CCT2: variants seen among roughly 807,000 people sequenced by gnomAD.
CCT2 encodes T-complex protein 1 subunit beta.
Under a neutral mutation model 61.8 loss-of-function variants are expected in CCT2, and 18 were observed. That is an observed-to-expected ratio of 0.29 (90% CI 0.20 to 0.43). CCT2 has a LOEUF of 0.43. Ranked by LOEUF, CCT2 falls within the 20% of genes least tolerant of loss-of-function variation. The pLI is 1.00. For missense variants in CCT2, 556 were observed against 656.9 expected (o/e 0.85, Z 1.68); for synonymous variants, 248 against 215.9 (o/e 1.15, Z -1.30).
In CCT2 at chr12:69,597,256, C is replaced by T; in HGVS notation, c.1083C>T (p.His361=). 1.2e-6 allele frequency: 2 copies of T among 1,613,948 alleles called. No individual in the cohort carries two copies. The highest frequency in any genetic ancestry group is 1.7e-6 in the Non-Finnish European group (2 of 1,179,886). The change falls in exon 11 of 16, where the codon CAC becomes CAT. Residue 361 remains histidine (H), a synonymous_variant. Coordinates refer to ENST00000299300, the MANE Select transcript of CCT2 (RefSeq NM_006431.3). ...EVMIGEDKLI[H]FSGVALGEAC... is the part of the protein sequence containing the mutation. ...TGATTGGAGAAGACAAACTCATTCACTTTTCTGGGGTTGCCCTTGGTGAGT... is the reference window on the plus strand; with the variant it reads ...TGATTGGAGAAGACAAACTCATTCATTTTTCTGGGGTTGCCCTTGGTGAGT...
intron 1 of CCT2, 196 bp from the exon 2 acceptor site, chr12:69,586,074 G>A (rs1320047414): frequency 1.0e-5 from 14 of 1,338,802 alleles, no homozygotes; most frequent in African/African-American, 1.5e-5. Context: ...AATCCGAAAA[G>A]CCATGTCGCT....
Position 69,588,140 on chromosome 12 carries a change from T to C in CCT2, c.334-10T>C. On this transcript the variant is annotated splice_polypyrimidine_tract_variant and intron_variant, in intron 5 of 15. Transcript: ENST00000299300. ...TATTTATAACTTTTGTTTTATAACT[T>C]TATTAATAGGAAGCAGAATCTTTAA... 1 of 1,607,190 alleles carries C rather than the reference T, an allele frequency of 6.2e-7. No homozygotes were observed. The highest frequency in any genetic ancestry group is 8.5e-7 in the Non-Finnish European group (1 of 1,174,462).
At chr12:69,591,924 C>T (rs1164824008) in intron 7 of CCT2, 135 bp from the exon 8 acceptor site, 4 of 541,912 alleles carry the variant, frequency 7.4e-6, no homozygotes, top group Non-Finnish European at 1.3e-5. Context: ...GCTTTTATGC[C>T]TTCTAAGAGC....
chr12:69,595,612 C>T (rs996023806), intron 10 of CCT2, among the ~76,000 whole-genome samples: 3 of 140,660 alleles, frequency 2.1e-5, no homozygotes, highest in East Asian at 2.2e-4. Context: ...CACTTGAACC[C>T]GGGAGGTGGA....
chr12:69,588,448 C>G, intron 6 of CCT2, 186 bp downstream of exon 6: 1 of 554,364 alleles, frequency 1.8e-6, no homozygotes, highest in Admixed American at 3.3e-5. Flanking sequence ...GGTTTTTAGT[C>G]TTTTTGTATA....
chr12:69,601,256 C>T, intron 15 of CCT2, 39 bp from the exon 16 acceptor site: 2 of 1,531,466 alleles, frequency 1.3e-6, no homozygotes, highest in Admixed American at 1.9e-5. Flanking sequence ...AAATCATGCT[C>T]TTCATTTTTC....
At chr12:69,597,607 C>G in intron 11 of CCT2, 31 bp from the exon 12 acceptor site, 1 of 1,605,438 alleles carries the variant, frequency 6.2e-7, no homozygotes, top group Non-Finnish European at 8.5e-7. Flanking sequence ...ACTTTTTATC[C>G]CTAAGTGGTC....
chr12:69,589,535 CATT>C lies in CCT2; in HGVS notation c.500_502del (p.Leu167del). 6.2e-7 allele frequency: 1 copy of C among 1,614,058 alleles called. No homozygotes were observed. The highest frequency in any genetic ancestry group is 8.5e-7 in the Non-Finnish European group (1 of 1,179,948). ...GATTTAATGAATATTGCGGGCACAA[CATT>C]ATCCTCAAAACTTCTTACTCATCAC... On this transcript the variant is annotated inframe_deletion, in exon 7 of 16. Transcript: ENST00000299300.
At chr12:69,592,508 G>A in intron 8 of CCT2, 1 of 177,042 alleles carries the variant, frequency 5.6e-6, no homozygotes, top group Non-Finnish European at 1.2e-5. Context: ...AAAAAAAATT[G>A]CTGGATTCTA....
intron 1 of CCT2, 137 bp from the exon 2 acceptor site, chr12:69,586,133 A>T: frequency 8.9e-7 from 1 of 1,128,472 alleles, no homozygotes; most frequent in South Asian, 1.5e-5. Flanking sequence ...CGATGATGGA[A>T]GCTTCATTTG....
intron 10 of CCT2, among the ~76,000 whole-genome samples, chr12:69,594,086 C>T (rs2135855881): frequency 6.6e-6 from 1 of 151,452 alleles, no homozygotes; most frequent in East Asian, 1.9e-4. Context: ...TTGCAGTCAG[C>T]GGAGATCGTG....
intron 3 of CCT2, 72 bp from the exon 4 acceptor site, chr12:69,587,433 G>C: frequency 1.2e-6 from 1 of 857,210 alleles, no homozygotes; most frequent in Non-Finnish European, 2.0e-6. Context: ...CACTGTGTGA[G>C]AATACTGATT....
chr12:69,587,755 C>T (rs947614800), intron 4 of CCT2, 139 bp downstream of exon 4: 2 of 740,352 alleles, frequency 2.7e-6, no homozygotes, highest in Non-Finnish European at 4.5e-6. Flanking sequence ...TGTTAAAATA[C>T]AAGCTTCAGG....
At position 69,585,596 on chromosome 12, in the gene CCT2, G is replaced by T. The variant is rs1034068530; in HGVS notation, c.3+72G>T. Reference sequence around the variant, plus strand: ...CTCTTGCCACCCCACTGCTTCCTCTGTCCTGCTAGGGTCGTAGGCTCCGTT... The same window carrying T: ...CTCTTGCCACCCCACTGCTTCCTCTTTCCTGCTAGGGTCGTAGGCTCCGTT... On this transcript the variant is annotated intron_variant, in intron 1 of 15. Transcript: ENST00000299300. 6.5e-5 allele frequency: 101 copies of T among 1,552,496 alleles called. No individual in the cohort carries two copies. In the South Asian group the frequency reaches 8.1e-4, roughly 12 times the overall value.
chr12:69,586,069 GA>G, intron 1 of CCT2, 200 bp from the exon 2 acceptor site: 1 of 1,347,992 alleles, frequency 7.4e-7, no homozygotes, highest in Non-Finnish European at 9.7e-7. Flanking sequence ...TTGTAAATCC[GA>G]AAAGCCATGT....
chr12:69,600,284 A>G (rs1008466617), intron 15 of CCT2, among the ~76,000 whole-genome samples: 1 of 152,180 alleles, frequency 6.6e-6, no homozygotes, highest in Non-Finnish European at 1.5e-5. Context: ...GATGCTTTCT[A>G]TTGTCTTTAA....
chr12:69,591,752 A>G (rs891594664), intron 7 of CCT2, among the ~76,000 whole-genome samples: 2 of 152,216 alleles, frequency 1.3e-5, no homozygotes, highest in Non-Finnish European at 2.9e-5. Context: ...AAGAGAATAC[A>G]GTCATGGGTT....
intron 4 of CCT2, 122 bp from the exon 5 acceptor site, chr12:69,587,808 C>T (rs2135849871): frequency 3.5e-6 from 3 of 848,328 alleles, no homozygotes; most frequent in African/African-American, 1.7e-5. Flanking sequence ...TTTCAGACCT[C>T]AGAGTTCCAA....
Position 69,601,372 on chromosome 12 carries a change from G to A in CCT2, c.*47G>A, listed in dbSNP as rs553344506. The stretch of plus-strand genomic sequence containing the variant: ...CTTTGGACCAGTTTCTAGCAAAGTT[G>A]TGTTTGAAAGATACTCTATTAAAGA... On this transcript the variant is annotated 3_prime_UTR_variant, in exon 16 of 16. Transcript: ENST00000299300. 1.3e-5 allele frequency: 21 copies of A among 1,613,786 alleles called. No individual in the cohort carries two copies. In the South Asian group the frequency reaches 2.2e-4, roughly 17 times the overall value.
Sources: gnomAD v4.1 joint callset for allele counts (sites outside exome capture counted in the v4.1 genomes callset) on GRCh38, gnomAD v4.1.1 for gene constraint, MANE v1.5 for transcripts, NCBI Gene and HGNC (gene_info 2026-07-23, HGNC 2026-07-21) for gene names.